The following MYL2 variants were observed in gnomAD, a reference collection of about 807,000 sequenced individuals.
MYL2 encodes the protein myosin regulatory light chain 2, ventricular/cardiac muscle isoform.
MYL2 carries 19 observed loss-of-function variants against 23.0 expected under a neutral mutation model. The observed-to-expected ratio is 0.83, with a 90% CI of 0.58 to 1.21. The LOEUF is 1.21. MYL2 is among the 50% of genes most tolerant of loss of function. The pLI, the probability that MYL2 is intolerant of heterozygous loss-of-function variation, is 0.00. For missense variants in MYL2, 180 were observed against 215.1 expected (o/e 0.84, Z 1.02); for synonymous variants, 78 against 76.2 (o/e 1.02, Z -0.13).
At chr12:110,914,358 G>A (rs1423336733) in intron 3 of MYL2, 68 bp from the exon 4 acceptor site, 6 of 1,091,732 alleles carry the variant, frequency 5.5e-6, no homozygotes, top group Non-Finnish European at 8.5e-6. Flanking sequence ...CACTGCCATT[G>A]GCTCCTGGGA....
At chr12:110,911,355 A>C (rs148905808) in intron 6 of MYL2, among the ~76,000 whole-genome samples, 180 bp from the exon 7 acceptor site, 155 of 152,224 alleles carry the variant, frequency 1.0e-3, no homozygotes, top group Non-Finnish European at 1.8e-3. Context: ...CCCTCGCCCA[A>C]GGTCATGCCC....
At chr12:110,911,256 AG>A in intron 6 of MYL2, 81 bp from the exon 7 acceptor site, 2 of 127,648 alleles carry the variant, frequency 1.6e-5, no homozygotes, top group Non-Finnish European at 2.9e-5. Flanking sequence ...GCGGGGCCTG[AG>A]TGGACGGATA....
chr12:110,921,196 C>A (rs566228716), upstream of MYL2, among the ~76,000 whole-genome samples: 2 of 151,852 alleles, frequency 1.3e-5, no homozygotes, highest in Non-Finnish European at 2.9e-5. Context: ...CCTGTCTCTA[C>A]GCAAAAGAAA....
chr12:110,919,263 CTGGGTG>C (rs2071705605), intron 1 of MYL2, 70 bp from the exon 2 acceptor site: 6 of 1,327,120 alleles, frequency 4.5e-6, no homozygotes, highest in Non-Finnish European at 6.4e-6. Flanking sequence ...GGCCCCTACT[CTGGGTG>C]TGTTCATCTC....
upstream of MYL2, among the ~76,000 whole-genome samples, chr12:110,921,323 T>C (rs549776756): frequency 4.6e-5 from 7 of 152,342 alleles, no homozygotes; most frequent in South Asian, 1.4e-3. Flanking sequence ...ATCACACCAC[T>C]GCACTCCAGC....
chr12:110,913,291 A>C lies in MYL2; in HGVS notation c.308T>G (p.Phe103Cys), dbSNP rs547860537. 3.5e-5 allele frequency: 57 copies of C among 1,614,070 alleles called. 1 individual carries two copies. The South Asian group carries it at 6.0e-4, about 17-fold the overall frequency. The change falls in exon 5 of 7, where the codon TTC becomes TGC. Residue 103 changes from phenylalanine (F) to cysteine (C), a missense_variant. By Grantham distance (205) the Phe-to-Cys change is radical (BLOSUM62 -2). Transcript: ENST00000228841. Reference sequence around the variant, plus strand: ...TTTGCCTTCAGGGTCAAACACTTTGAATGCGTTGAGAATGGTTTCCTCAGG... The same window carrying C: ...TTTGCCTTCAGGGTCAAACACTTTGCATGCGTTGAGAATGGTTTCCTCAGG... ...ADPEETILNA[F>C]KVFDPEGKGV...
At chr12:110,920,114 C>A (rs1432368242) in intron 1 of MYL2, among the ~76,000 whole-genome samples, 1 of 152,244 alleles carries the variant, frequency 6.6e-6, no homozygotes. Context: ...CCTAACCCAA[C>A]AGCACAGAAA....
In MYL2 at chr12:110,914,262, A is replaced by G. The variant is rs755787766; in HGVS notation, c.198T>C (p.Ile66=). The G allele has an allele frequency of 6.2e-7, 1 of 1,613,812 alleles. No homozygotes were observed. The highest frequency in any genetic ancestry group is 2.2e-5 in the East Asian group (1 of 44,874). The change falls in exon 4 of 7, where the codon ATT becomes ATC. Residue 66 remains isoleucine (I), a synonymous_variant. Transcript: ENST00000228841. ...LGRVNVKNEE[I]DEMIKEAPGP... ...CCGGAGCCTCCTTGATCATTTCATC[A>G]ATTTCTTCATTTTTCACGTTCACTC...
In MYL2 at chr12:110,913,520, A is replaced by G. The variant is rs570841355; in HGVS notation, c.275-196T>C. ...GAGGGCTGAGAACCCAAGGTCAAACATCATCTAGATTTGAAAGCCTGGGAT... is the reference window on the plus strand; with the variant it reads ...GAGGGCTGAGAACCCAAGGTCAAACGTCATCTAGATTTGAAAGCCTGGGAT... On this transcript the variant is annotated intron_variant, in intron 4 of 6. Transcript: ENST00000228841. Among the ~76,000 whole-genome samples, 17 of 152,334 alleles carry G rather than the reference A, an allele frequency of 1.1e-4. No homozygotes were observed. In the South Asian group the frequency reaches 3.5e-3, roughly 32 times the overall value.
At chr12:110,919,081 G>T (rs751576646) in intron 2 of MYL2, 23 bp downstream of exon 2, 18 of 1,609,182 alleles carry the variant, frequency 1.1e-5, no homozygotes, top group Non-Finnish European at 6.8e-6. Flanking sequence ...CATCCAGGCG[G>T]ATGATTCAAT....
intron 1 of MYL2, among the ~76,000 whole-genome samples, chr12:110,919,494 T>A (rs2071706967): frequency 6.6e-6 from 1 of 152,204 alleles, no homozygotes; most frequent in Non-Finnish European, 1.5e-5. Context: ...AGGCCACACC[T>A]TCAGATCGCC....
intron 3 of MYL2, 64 bp from the exon 4 acceptor site, chr12:110,914,354 C>T (rs745863230): frequency 1.1e-5 from 13 of 1,142,692 alleles, no homozygotes; most frequent in Non-Finnish European, 1.3e-5. Context: ...ATGACACTGC[C>T]ATTGGCTCCT....
At chr12:110,920,489 C>T in intron 1 of MYL2, 38 bp downstream of exon 1, 1 of 1,614,074 alleles carries the variant, frequency 6.2e-7, no homozygotes, top group Non-Finnish European at 8.5e-7. Flanking sequence ...TCTCCTCGCC[C>T]ACCCGGCATC....
In MYL2 at chr12:110,920,512, A is replaced by G; in HGVS notation, c.3+15T>C. On this transcript the variant is annotated intron_variant, in intron 1 of 6. Transcript: ENST00000228841. ...CCCACCCGGCATCATCACCTCCTGG[A>G]GCCCTTGTACTCACCATGGTGGAAA... 1.2e-6 allele frequency: 2 copies of G among 1,614,040 alleles called. No homozygotes were observed. Among genetic ancestry groups the G allele is most frequent in the Non-Finnish European group, 1.7e-6 (2 of 1,180,022 alleles).
rs112310813 is a variant in MYL2, at chr12:110,920,273, G to A, written c.3+254C>T. ...CTGGGAGTTATTGATTCCTCGAGAGGTCAGTAGACAAGCCATAAAAAAGCC... is the reference window on the plus strand; with the variant it reads ...CTGGGAGTTATTGATTCCTCGAGAGATCAGTAGACAAGCCATAAAAAAGCC... On this transcript the variant is annotated intron_variant, in intron 1 of 6. Coordinates refer to ENST00000228841, the MANE Select transcript of MYL2 (RefSeq NM_000432.4). Among the ~76,000 whole-genome samples the A allele has an allele frequency of 2.9e-3, 433 of 151,858 alleles. 2 individuals are homozygous for A. The highest frequency in any genetic ancestry group is 0.01 in the African/African-American group (423 of 41,350).
intron 1 of MYL2, among the ~76,000 whole-genome samples, 162 bp downstream of exon 1, chr12:110,920,365 A>G (rs955844435): frequency 2.0e-5 from 3 of 151,718 alleles, no homozygotes; most frequent in African/African-American, 7.3e-5. Context: ...CGGGGCATTG[A>G]TTGGGGTTCC....
chr12:110,912,376 T>G (rs956950112), intron 6 of MYL2, among the ~76,000 whole-genome samples: 58 of 152,168 alleles, frequency 3.8e-4, no homozygotes, highest in African/African-American at 1.4e-3. Context: ...GTCTGATGAC[T>G]TTTATGAAAC....
chr12:110,920,715 G>C, upstream of MYL2: 3 of 821,174 alleles, frequency 3.7e-6, no homozygotes, highest in Non-Finnish European at 4.0e-6. Flanking sequence ...CTGAAGTAAG[G>C]GTGGCTCACT....
rs776941988 is a variant in MYL2, at chr12:110,911,033, C to T, written c.*44G>A. The T allele has an allele frequency of 6.5e-6, 10 of 1,527,618 alleles. No individual in the cohort carries two copies. In the African/African-American group the frequency reaches 8.2e-5, roughly 13 times the overall value. The allele number at this position is 1,527,618 out of a possible 1,614,324, so 94.6% of individuals were successfully genotyped here. A position where few individuals can be genotyped will look rare whatever the true frequency, so the allele number is the denominator to read the frequency against. ...CGGGGGAGAGAGATGAGGGCAGGGA[C>T]CACTCTGCAAAGACGAGCCCAGGGC... On this transcript the variant is annotated 3_prime_UTR_variant, in exon 7 of 7. Transcript: ENST00000228841.
Sources: gnomAD v4.1 joint callset for allele counts (sites outside exome capture counted in the v4.1 genomes callset) on GRCh38, gnomAD v4.1.1 for gene constraint, MANE v1.5 for transcripts, NCBI Gene and HGNC (gene_info 2026-07-23, HGNC 2026-07-21) for gene names.